The following ATP8B4 variants were observed in gnomAD, a reference collection of about 807,000 sequenced individuals.
ATP8B4 encodes ATPase phospholipid transporting 8B4 (putative), also known as probable phospholipid-transporting ATPase IM.
Under a neutral mutation model 145.6 loss-of-function variants are expected in ATP8B4, and 133 were observed. That is an observed-to-expected ratio of 0.91 (90% CI 0.79 to 1.05). The LOEUF is 1.05. ATP8B4 is among the 50% of genes least tolerant of loss of function. The pLI, the probability that ATP8B4 is intolerant of heterozygous loss-of-function variation, is 0.00. For synonymous variants in ATP8B4, 507 were observed against 492.9 expected, an observed-to-expected ratio of 1.03 and a Z score of -0.38; for missense variants, 1,458 against 1,425.2, an observed-to-expected ratio of 1.02 and a Z score of -0.37.
At chr15:49,898,682 G>C (rs2037688161) in intron 21 of ATP8B4, among the ~76,000 whole-genome samples, 1 of 152,066 alleles carries the variant, frequency 6.6e-6, no homozygotes, top group Non-Finnish European at 1.5e-5. Flanking sequence ...TTGTTTCTTT[G>C]CACTGTTGTT....
chr15:50,016,579 A>G (rs1363192291), intron 6 of ATP8B4, among the ~76,000 whole-genome samples: 1 of 152,198 alleles, frequency 6.6e-6, no homozygotes. Flanking sequence ...GCCACAGCCA[A>G]GACCACGGAG....
intron 1 of ATP8B4, chr15:50,113,306 C>T (rs1276304991): frequency 6.6e-6 from 1 of 152,204 alleles, no homozygotes; most frequent in Non-Finnish European, 1.5e-5. Context: ...TAATCTCAGC[C>T]TTGGGAGCTG....
intron 14 of ATP8B4, among the ~76,000 whole-genome samples, chr15:49,955,454 C>G (rs1295151871): frequency 6.6e-6 from 1 of 152,116 alleles, no homozygotes; most frequent in Non-Finnish European, 1.5e-5. Context: ...GGTGTAGTCA[C>G]TATAGAAAAC....
At chr15:49,964,989 T>C (rs552541176) in intron 13 of ATP8B4, among the ~76,000 whole-genome samples, 57 of 152,336 alleles carry the variant, frequency 3.7e-4, no homozygotes, top group Non-Finnish European at 6.6e-4. Flanking sequence ...AGCAATATTT[T>C]TAGAAAGCCT....
chr15:49,974,019 T>C (rs972852959), intron 12 of ATP8B4, among the ~76,000 whole-genome samples: 2 of 152,284 alleles, frequency 1.3e-5, no homozygotes. Context: ...AATTCTATAG[T>C]TATTAAGTCT....
chr15:50,102,646 A>G (rs1567365633), intron 2 of ATP8B4, among the ~76,000 whole-genome samples: 1 of 152,178 alleles, frequency 6.6e-6, no homozygotes, highest in Non-Finnish European at 1.5e-5. Context: ...AAGAATTCAC[A>G]AATGAATTCT....
At chr15:49,900,496 A>G (rs953202927) in intron 21 of ATP8B4, among the ~76,000 whole-genome samples, 3 of 152,216 alleles carry the variant, frequency 2.0e-5, no homozygotes, top group African/African-American at 7.2e-5. Flanking sequence ...TCAGAAGAGT[A>G]TTTTCATGTT....
In ATP8B4 at chr15:49,879,370, AC is replaced by A. The variant is rs762519146; in HGVS notation, c.2781+5del. On this transcript the variant is annotated splice_donor_5th_base_variant and intron_variant, in intron 24 of 27. Coordinates refer to ENST00000284509, the MANE Select transcript of ATP8B4 (RefSeq NM_024837.4). ...ACTAAGTTATAAAGATGGAAAAAAA[AC>A]ATACCTGGTCAAAAATCCCCATGGC... 38 of 1,605,420 alleles carry A rather than the reference AC, an allele frequency of 2.4e-5. No individual in the cohort carries two copies. Among genetic ancestry groups the A allele is most frequent in the East Asian group, 2.0e-4 (9 of 44,788 alleles).
At chr15:49,869,894 C>CA (rs1204277527) in intron 25 of ATP8B4, among the ~76,000 whole-genome samples, 23 of 152,040 alleles carry the variant, frequency 1.5e-4, no homozygotes, top group African/African-American at 5.6e-4. Flanking sequence ...CGTATTATGG[C>CA]AATATTTATG....
intron 1 of ATP8B4, among the ~76,000 whole-genome samples, chr15:50,154,607 T>C (rs1020761006): frequency 6.6e-6 from 1 of 152,230 alleles, no homozygotes; most frequent in African/African-American, 2.4e-5. Flanking sequence ...TGTTTTTCTA[T>C]TACATAATTT....
chr15:49,912,958 T>C (rs927286730), intron 20 of ATP8B4, among the ~76,000 whole-genome samples: 2 of 151,898 alleles, frequency 1.3e-5, no homozygotes, highest in Non-Finnish European at 1.5e-5. Flanking sequence ...CAAAACTCTC[T>C]CTCTACAAAA....
At chr15:50,120,063 A>T (rs2057251220), upstream of ATP8B4, among the ~76,000 whole-genome samples, 1 of 152,156 alleles carries the variant, frequency 6.6e-6, no homozygotes, top group Non-Finnish European at 1.5e-5. Flanking sequence ...GCTTCTTTTA[A>T]ATATGCCTAA....
At chr15:50,128,525 G>A (rs1195144824) in intron 1 of ATP8B4, among the ~76,000 whole-genome samples, 1 of 152,188 alleles carries the variant, frequency 6.6e-6, no homozygotes, top group East Asian at 1.9e-4. Flanking sequence ...ATGGATCCAA[G>A]GCTCCCACTT....
chr15:49,884,241 T>G (rs899033769), intron 23 of ATP8B4, among the ~76,000 whole-genome samples: 1 of 152,138 alleles, frequency 6.6e-6, no homozygotes, highest in African/African-American at 2.4e-5. Flanking sequence ...TCCAAGCCTA[T>G]GAACCTTAGT....
chr15:50,051,595 G>C (rs2052192041), intron 3 of ATP8B4, among the ~76,000 whole-genome samples: 1 of 152,122 alleles, frequency 6.6e-6, no homozygotes, highest in African/African-American at 2.4e-5. Flanking sequence ...TAGGGTGTTG[G>C]TACTGTCAAT....
At chr15:50,000,391 G>A (rs754698244) in intron 8 of ATP8B4, among the ~76,000 whole-genome samples, 3 of 152,190 alleles carry the variant, frequency 2.0e-5, no homozygotes, top group Admixed American at 2.0e-4. Context: ...TAGCCATTCT[G>A]ATAGGTCTGT....
chr15:50,157,601 T>C (rs1269458588), intron 1 of ATP8B4, among the ~76,000 whole-genome samples: 1 of 152,244 alleles, frequency 6.6e-6, no homozygotes, highest in Non-Finnish European at 1.5e-5. Context: ...AGGATAGCTT[T>C]TGTGGTTCCA....
chr15:50,095,641 G>T (rs775798246), intron 2 of ATP8B4, among the ~76,000 whole-genome samples: 6 of 151,986 alleles, frequency 3.9e-5, no homozygotes, highest in Admixed American at 6.6e-5. Flanking sequence ...TGTAGATGTG[G>T]CTACTTGGGA....
chr15:49,866,077 C>T (rs901912416), intron 26 of ATP8B4, among the ~76,000 whole-genome samples: 1 of 152,150 alleles, frequency 6.6e-6, no homozygotes, highest in African/African-American at 2.4e-5. Context: ...TGTGCTATGC[C>T]TCTCATTTGC....
Sources: gnomAD v4.1 joint callset for allele counts (sites outside exome capture counted in the v4.1 genomes callset) on GRCh38, gnomAD v4.1.1 for gene constraint, MANE v1.5 for transcripts, NCBI Gene and HGNC (gene_info 2026-07-23, HGNC 2026-07-21) for gene names.